The following SLC71A2 variants were observed in gnomAD, a reference collection of about 807,000 sequenced individuals.
SLC71A2 encodes solute carrier family 71 member 2.
the SLC71A2 span, among the ~76,000 whole-genome samples, chr9:94,390,207 C>T: frequency 7.9e-5 from 12 of 151,752 alleles, no homozygotes; most frequent in African/African-American, 2.7e-4. Context: ...GAGCAAGACT[C>T]CATCTCAAAG....
At chr9:94,381,443 T>C in the SLC71A2 span, among the ~76,000 whole-genome samples, 1 of 148,750 alleles carries the variant, frequency 6.7e-6, no homozygotes, top group African/African-American at 2.5e-5. Flanking sequence ...GATTTATCAG[T>C]GTTATGTAAA....
chr9:94,452,696 CATATATTCAT>C, the SLC71A2 span, among the ~76,000 whole-genome samples: 26 of 66,156 alleles, frequency 3.9e-4, no homozygotes, highest in East Asian at 2.3e-3. Flanking sequence ...CATATATATT[CATATATTCAT>C]ATATATTCAT....
chr9:94,403,342 T>G, the SLC71A2 span, among the ~76,000 whole-genome samples: 2 of 151,886 alleles, frequency 1.3e-5, no homozygotes, highest in Non-Finnish European at 2.9e-5. Context: ...TGCACCATGT[T>G]GGCCACGCTG....
At chr9:94,420,561 A>G in the SLC71A2 span, among the ~76,000 whole-genome samples, 5 of 149,446 alleles carry the variant, frequency 3.3e-5, no homozygotes, top group Admixed American at 6.7e-5. Flanking sequence ...AAGTCTGACA[A>G]TTTTTTTTTC....
the SLC71A2 span, among the ~76,000 whole-genome samples, chr9:94,417,872 C>A: frequency 7.7e-3 from 619 of 80,678 alleles, 16 homozygotes; most frequent in African/African-American, 0.021. Context: ...CCCCCCCCCC[C>A]CCCCGACAGA....
chr9:94,380,242 G>T, the SLC71A2 span, among the ~76,000 whole-genome samples: 1 of 152,012 alleles, frequency 6.6e-6, no homozygotes, highest in Non-Finnish European at 1.5e-5. Flanking sequence ...CTGCACTCCA[G>T]CCTGGGCGAC....
At chr9:94,451,572 T>A in the SLC71A2 span, 1 of 1,021,768 alleles carries the variant, frequency 9.8e-7, no homozygotes, top group Non-Finnish European at 1.4e-6. Context: ...AAAAATATCC[T>A]GATAACCATA....
At chr9:94,445,556 GT>G in the SLC71A2 span, among the ~76,000 whole-genome samples, 1 of 152,174 alleles carries the variant, frequency 6.6e-6, no homozygotes, top group Non-Finnish European at 1.5e-5. Flanking sequence ...GTTTGAATGA[GT>G]TATTTTAATT....
the SLC71A2 span, among the ~76,000 whole-genome samples, chr9:94,421,048 A>G: frequency 1.3e-5 from 2 of 151,300 alleles, no homozygotes; most frequent in African/African-American, 2.4e-5. Context: ...CAATTTCTGT[A>G]TTTCCCTGAT....
the SLC71A2 span, among the ~76,000 whole-genome samples, chr9:94,403,585 G>C: frequency 0.069 from 10,424 of 151,412 alleles, 458 homozygotes; most frequent in Non-Finnish European, 0.1. Context: ...TTGAACACTT[G>C]GGTTGCTTCT....
At chr9:94,459,073 G>A in the SLC71A2 span, 4 of 1,333,600 alleles carry the variant, frequency 3.0e-6, no homozygotes, top group African/African-American at 4.4e-5. Context: ...CTTTTTGGTG[G>A]TGTGTTTTTT....
At chr9:94,453,914 G>A in the SLC71A2 span, 1 of 1,262,864 alleles carries the variant, frequency 7.9e-7, no homozygotes, top group Non-Finnish European at 1.2e-6. Context: ...TTTTAATTCT[G>A]TGTGTTGATG....
At chr9:94,438,312 A>G in the SLC71A2 span, 3 of 1,476,840 alleles carry the variant, frequency 2.0e-6, no homozygotes, top group African/African-American at 4.2e-5. Flanking sequence ...AGTACAATGA[A>G]TTAGAGCTAA....
chr9:94,445,221 CT>C, the SLC71A2 span: 1 of 1,492,386 alleles, frequency 6.7e-7, no homozygotes, highest in Non-Finnish European at 9.1e-7. Flanking sequence ...TCCTAAATGT[CT>C]TTCTAAGCCA....
chr9:94,438,518 A>G, the SLC71A2 span: 10 of 1,611,358 alleles, frequency 6.2e-6, no homozygotes, highest in Non-Finnish European at 8.5e-6. Flanking sequence ...ACTGATGAGG[A>G]TCAGCCCATG....
the SLC71A2 span, among the ~76,000 whole-genome samples, chr9:94,399,784 G>T: frequency 0.69 from 103,490 of 151,064 alleles, 35,706 homozygotes; most frequent in Middle Eastern, 0.76. Flanking sequence ...AATCACTGAG[G>T]TGAGTATTGC....
the SLC71A2 span, chr9:94,451,529 T>G: frequency 1.3e-6 from 2 of 1,505,402 alleles, no homozygotes; most frequent in Non-Finnish European, 1.8e-6. Flanking sequence ...GTGGCTCAGG[T>G]GAGTATCATT....
the SLC71A2 span, among the ~76,000 whole-genome samples, chr9:94,447,594 G>T: frequency 6.6e-6 from 1 of 150,552 alleles, no homozygotes. Flanking sequence ...CCCCATACAT[G>T]CATAGCCTCC....
chr9:94,377,900 A>T, the SLC71A2 span, among the ~76,000 whole-genome samples: 1 of 152,066 alleles, frequency 6.6e-6, no homozygotes, highest in African/African-American at 2.4e-5. Context: ...AGGTCAAGAG[A>T]TCAAGACCAT....
Sources: gnomAD v4.1 joint callset for allele counts (sites outside exome capture counted in the v4.1 genomes callset) on GRCh38, gnomAD v4.1.1 for gene constraint, MANE v1.5 for transcripts, NCBI Gene and HGNC (gene_info 2026-07-23, HGNC 2026-07-21) for gene names.